TLK1: variants seen among roughly 807,000 people sequenced by gnomAD.
The protein encoded by TLK1 is serine/threonine-protein kinase tousled-like 1.
In TLK1, 24 loss-of-function variants were observed where a neutral mutation model predicts 105.3. The ratio of observed to expected loss-of-function variants is 0.23; its 90% CI spans 0.17 to 0.32. TLK1 has a LOEUF of 0.32. TLK1 is among the 10% of genes least tolerant of loss of function. TLK1 has a pLI of 1.00. For missense variants in TLK1, 558 were observed against 910.5 expected, an observed-to-expected ratio of 0.61 and a Z score of 4.98; for synonymous variants, 321 against 310.4, an observed-to-expected ratio of 1.03 and a Z score of -0.36.
chr2:171,096,715 A>C (rs1689468353), intron 2 of TLK1, among the ~76,000 whole-genome samples: 2 of 151,322 alleles, frequency 1.3e-5, no homozygotes, highest in South Asian at 4.2e-4. Flanking sequence ...CCAAGATGGC[A>C]CCACTGCACT....
chr2:171,186,685 T>A (rs4668371), intron 1 of TLK1, among the ~76,000 whole-genome samples: 21,024 of 152,166 alleles, frequency 0.14, 1,733 homozygotes, highest in East Asian at 0.22. Context: ...TGTGTGGGCT[T>A]AAATAATCAC....
chr2:171,060,140 AGAT>A (rs1687683746), intron 4 of TLK1, among the ~76,000 whole-genome samples: 1 of 152,212 alleles, frequency 6.6e-6, no homozygotes, highest in Admixed American at 6.5e-5. Context: ...CTAAAAACAA[AGAT>A]AATCAGACAA....
At position 171,160,255 on chromosome 2, in the gene TLK1, G is replaced by C; in HGVS notation, c.139+35C>G. 1 of 1,460,702 alleles carries C rather than the reference G, an allele frequency of 6.8e-7. No individual in the cohort carries two copies. Among genetic ancestry groups the C allele is most frequent in the Non-Finnish European group, 9.0e-7 (1 of 1,109,706 alleles). 90.5% of individuals were successfully genotyped at this position (1,460,702 alleles called of 1,614,324 possible). On this transcript the variant is annotated intron_variant, in intron 1 of 20. Coordinates refer to ENST00000431350, the MANE Select transcript of TLK1 (RefSeq NM_012290.5). The surrounding 1 kb of genome is among the most constrained non-coding windows in gnomAD (Gnocchi z 4.4). ...CGGGGGTCCGCGGCGCGGGAGAGGA[G>C]GCCCGCGAGCGGGCGCGGGCGCGGC...
At chr2:171,063,041 CATTT>C (rs1687826934) in intron 3 of TLK1, among the ~76,000 whole-genome samples, 1 of 152,096 alleles carries the variant, frequency 6.6e-6, no homozygotes, top group Non-Finnish European at 1.5e-5. Flanking sequence ...ATTCTTTTAA[CATTT>C]ATTAAAGAAC....
At chr2:171,211,555 CT>C (rs56870845) in intron 1 of TLK1, among the ~76,000 whole-genome samples, 41,573 of 147,228 alleles carry the variant, frequency 0.28, 6,475 homozygotes, top group South Asian at 0.45. Context: ...TAAATGGATG[CT>C]TTTTTTTTTT....
At chr2:171,027,885 G>T (rs769229664) in intron 12 of TLK1, among the ~76,000 whole-genome samples, 1 of 152,120 alleles carries the variant, frequency 6.6e-6, no homozygotes, top group African/African-American at 2.4e-5. Context: ...AATTTTGGCC[G>T]GGTGCGACAG....
rs1329976824 is a variant in TLK1, at chr2:171,160,233, G to GGGTCCGCGGCGCGGGAGAGGA, written c.139+36_139+56dup. ...CGGGGGGGGCGGGGGGGGGGCGCGGGGGTCCGCGGCGCGGGAGAGGAGGCC... is the reference window on the plus strand; with the variant it reads ...CGGGGGGGGCGGGGGGGGGGCGCGGGGGTCCGCGGCGCGGGAGAGGAGGTCCGCGGCGCGGGAGAGGAGGCC... On this transcript the variant is annotated intron_variant, in intron 1 of 20. Transcript: ENST00000431350. This position sits in a 1 kb window ranked among gnomAD's most constrained non-coding sequence, Gnocchi z 4.4. 7.6e-7 allele frequency: 1 copy of GGGTCCGCGGCGCGGGAGAGGA among 1,317,668 alleles called. No individual in the cohort carries two copies. Among genetic ancestry groups the GGGTCCGCGGCGCGGGAGAGGA allele is most frequent in the African/African-American group, 1.6e-5 (1 of 64,124 alleles). The allele number at this position is 1,317,668 out of a possible 1,614,324, so 81.6% of individuals were successfully genotyped here.
chr2:171,171,311 G>A (rs1367193021), intron 1 of TLK1, among the ~76,000 whole-genome samples: 2 of 151,968 alleles, frequency 1.3e-5, no homozygotes, highest in Admixed American at 6.6e-5. Context: ...CTGAGATCAC[G>A]CCACTGCACT....
chr2:171,094,685 T>C (rs1689379401), intron 2 of TLK1, among the ~76,000 whole-genome samples: 1 of 152,146 alleles, frequency 6.6e-6, no homozygotes, highest in South Asian at 2.1e-4. Flanking sequence ...CTCGGCTCAC[T>C]GCAACCTCCA....
intron 1 of TLK1, among the ~76,000 whole-genome samples, chr2:171,195,234 T>G (rs1337546551): frequency 1.3e-5 from 2 of 152,130 alleles, no homozygotes; most frequent in African/African-American, 4.8e-5. Flanking sequence ...CCGGGCGCGG[T>G]GGCTCACGCC....
intron 12 of TLK1, among the ~76,000 whole-genome samples, chr2:171,020,802 T>C (rs1457453382): frequency 6.6e-6 from 1 of 151,990 alleles, no homozygotes; most frequent in Non-Finnish European, 1.5e-5. Flanking sequence ...CATAATCATA[T>C]TTTTGCTTGA....
In TLK1 at chr2:171,003,273, CAAAAAAAAAAAAAAA is replaced by C. The variant is rs777049271; in HGVS notation, c.1904+2859_1904+2873del. 2.9e-3 allele frequency among the ~76,000 whole-genome samples: 201 copies of C among 68,512 alleles called. 9 individuals are homozygous for C. The highest frequency in any genetic ancestry group is 8.2e-3 in the East Asian group (21 of 2,568). 44.9% of individuals were successfully genotyped at this position (68,512 alleles called of 152,430 possible). A position where few individuals can be genotyped will look rare whatever the true frequency, so the allele number is the denominator to read the frequency against. On this transcript the variant is annotated intron_variant, in intron 18 of 20. Transcript: ENST00000431350. ...TGGGCGACAGAGCAAGACTCCGTCT[CAAAAAAAAAAAAAAA>C]AAAAAAAAAAAAAAAAAGTACAAGG... is the stretch of plus-strand genomic sequence containing the variant.
At chr2:171,095,895 C>A (rs1689432090) in intron 2 of TLK1, among the ~76,000 whole-genome samples, 1 of 151,640 alleles carries the variant, frequency 6.6e-6, no homozygotes, top group Non-Finnish European at 1.5e-5. Flanking sequence ...AAATGATAAG[C>A]CCACAGCTAA....
Position 171,148,501 on chromosome 2 carries a change from T to C in TLK1, c.139+11789A>G, listed in dbSNP as rs532032542. Among the ~76,000 whole-genome samples, 8 of 152,252 alleles carry C rather than the reference T, an allele frequency of 5.3e-5. No individual in the cohort carries two copies. The East Asian group carries it at 1.4e-3, about 26-fold the overall frequency. On this transcript the variant is annotated intron_variant, in intron 1 of 20. Transcript: ENST00000431350. ...CGAGACAAAAAACAAGCTAATATTATGGAGTCATTGCAAAGTAACTTTTAG... is the reference window on the plus strand; with the variant it reads ...CGAGACAAAAAACAAGCTAATATTACGGAGTCATTGCAAAGTAACTTTTAG...
chr2:171,188,089 T>C (rs151225739), intron 1 of TLK1, among the ~76,000 whole-genome samples: 341 of 152,318 alleles, frequency 2.2e-3, no homozygotes, highest in African/African-American at 6.9e-3. Context: ...ATGAGCATGG[T>C]TCAAGGGTCA....
At position 171,160,203 on chromosome 2, in the gene TLK1, C is replaced by CGGGGCGGGGGGGGCGGGG. The variant is rs1293356711; in HGVS notation, c.139+69_139+86dup. On this transcript the variant is annotated intron_variant, in intron 1 of 20. Coordinates refer to ENST00000431350, the MANE Select transcript of TLK1 (RefSeq NM_012290.5). The surrounding 1 kb of genome is among the most constrained non-coding windows in gnomAD (Gnocchi z 4.4). ...ACCCCAGGGTCTGGCGGAGAAGCCC[C>CGGGGCGGGGGGGGCGGGG]GGGGCGGGGGGGGCGGGGGGGGGGC... The CGGGGCGGGGGGGGCGGGG allele has an allele frequency of 3.0e-5, 36 of 1,187,612 alleles. No individual in the cohort carries two copies. The African/African-American group carries it at 6.1e-4, about 20-fold the overall frequency. 73.6% of individuals were successfully genotyped at this position (1,187,612 alleles called of 1,614,324 possible).
At chr2:171,019,487 T>C (rs2723245) in intron 12 of TLK1, among the ~76,000 whole-genome samples, 23,333 of 152,140 alleles carry the variant, frequency 0.15, 3,388 homozygotes, top group African/African-American at 0.38. Flanking sequence ...AGTTATAAAA[T>C]ACATTTTTAT....
chr2:171,045,192 T>G (rs1180754721), intron 11 of TLK1: 1 of 150,150 alleles, frequency 6.7e-6, no homozygotes, highest in African/African-American at 2.4e-5. Flanking sequence ...AAAGAATACA[T>G]GACATACAAG....
In TLK1 at chr2:171,160,240, C is replaced by A; in HGVS notation, c.139+50G>T. Reference sequence around the variant, plus strand: ...GGCGGGGGGGGGGCGCGGGGGTCCGCGGCGCGGGAGAGGAGGCCCGCGAGC... The same window carrying A: ...GGCGGGGGGGGGGCGCGGGGGTCCGAGGCGCGGGAGAGGAGGCCCGCGAGC... On this transcript the variant is annotated intron_variant, in intron 1 of 20. Coordinates refer to ENST00000431350, the MANE Select transcript of TLK1 (RefSeq NM_012290.5). This position sits in a 1 kb window ranked among gnomAD's most constrained non-coding sequence, Gnocchi z 4.4. 7.5e-7 allele frequency: 1 copy of A among 1,330,026 alleles called. No homozygotes were observed. The highest frequency in any genetic ancestry group is 9.6e-7 in the Non-Finnish European group (1 of 1,039,646). The allele number at this position is 1,330,026 out of a possible 1,614,324, so 82.4% of individuals were successfully genotyped here. A position where few individuals can be genotyped will look rare whatever the true frequency, so the allele number is the denominator to read the frequency against.
Sources: allele counts gnomAD v4.1 joint callset (sites outside exome capture counted in the v4.1 genomes callset), GRCh38; gene constraint gnomAD v4.1.1; non-coding constraint Gnocchi (gnomAD v3.1); transcripts MANE v1.5; gene names NCBI Gene and HGNC (gene_info 2026-07-23, HGNC 2026-07-21).